Variants in DENND2A observed in about 807,000 individuals in gnomAD.
The protein encoded by DENND2A is DENN domain containing 2A, also known as DENN domain-containing protein 2A.
In DENND2A, 53 loss-of-function variants were observed where a neutral mutation model predicts 105.3. That is an observed-to-expected ratio of 0.50 (90% CI 0.40 to 0.63). The LOEUF (loss-of-function observed/expected upper bound fraction) is 0.63. Ranked by LOEUF, DENND2A falls within the 30% of genes least tolerant of loss-of-function variation. The probability of loss-of-function intolerance (pLI) is 0.00; values close to 1 mark genes in which losing one functional copy is unlikely to be tolerated. For missense variants in DENND2A, 1,138 were observed against 1,279.6 expected (o/e 0.89, Z 1.69); for synonymous variants, 522 against 508.4 (o/e 1.03, Z -0.36).
chr7:140,520,031 TG>T (rs1462684125), intron 18 of DENND2A, among the ~76,000 whole-genome samples: 1 of 152,142 alleles, frequency 6.6e-6, no homozygotes, highest in Non-Finnish European at 1.5e-5. Flanking sequence ...TGGCCAGTCA[TG>T]GTGGTTCACG....
chr7:140,575,401 C>T (rs977230957), intron 5 of DENND2A, among the ~76,000 whole-genome samples: 16 of 152,150 alleles, frequency 1.1e-4, no homozygotes, highest in Admixed American at 9.8e-4. Flanking sequence ...CACAGCTCTA[C>T]GGAGGGCAGT....
intron 16 of DENND2A, among the ~76,000 whole-genome samples, chr7:140,525,501 A>C (rs995465979): frequency 5.3e-5 from 8 of 152,160 alleles, no homozygotes; most frequent in African/African-American, 1.9e-4. Flanking sequence ...TAAGATTACA[A>C]AGAATCTTTT....
At chr7:140,530,747 T>C (rs1203443798) in intron 14 of DENND2A, among the ~76,000 whole-genome samples, 2 of 152,020 alleles carry the variant, frequency 1.3e-5, no homozygotes, top group East Asian at 3.8e-4. Context: ...CTTTTTTTTT[T>C]TGAGACAGAA....
intron 1 of DENND2A, among the ~76,000 whole-genome samples, chr7:140,618,908 C>G (rs778453297): frequency 6.6e-6 from 1 of 152,124 alleles, no homozygotes; most frequent in Admixed American, 6.6e-5. Context: ...ACGCCATTCT[C>G]CTGCCTCAGC....
intron 5 of DENND2A, among the ~76,000 whole-genome samples, chr7:140,584,102 C>T (rs1798673506): frequency 6.7e-6 from 1 of 149,038 alleles, no homozygotes. Context: ...ATTAGCCAGG[C>T]GTGGAGGCGC....
chr7:140,605,943 C>T (rs550899277), intron 1 of DENND2A, 137 bp from the exon 2 acceptor site: 1 of 152,338 alleles, frequency 6.6e-6, no homozygotes, highest in African/African-American at 2.4e-5. Context: ...AAAGAACACA[C>T]AATTCAGAAT....
chr7:140,572,558 C>T (rs578135608), intron 6 of DENND2A, among the ~76,000 whole-genome samples: 3 of 151,410 alleles, frequency 2.0e-5, no homozygotes, highest in African/African-American at 7.2e-5. Context: ...GTCAGCAGTT[C>T]GAGACCAGCC....
intron 2 of DENND2A, among the ~76,000 whole-genome samples, 181 bp downstream of exon 2, chr7:140,605,524 G>A (rs1299671089): frequency 8.3e-6 from 1 of 121,062 alleles, no homozygotes; most frequent in East Asian, 1.9e-4. Context: ...AGACTCTCTC[G>A]ATCAGTTTGG....
intron 14 of DENND2A, among the ~76,000 whole-genome samples, chr7:140,529,368 A>C (rs570222728): frequency 7.9e-5 from 12 of 152,346 alleles, no homozygotes; most frequent in Admixed American, 5.2e-4. Context: ...TAGTTCAACC[A>C]TTGTGGAAGA....
intron 1 of DENND2A, among the ~76,000 whole-genome samples, chr7:140,635,020 T>C (rs1800868961): frequency 1.3e-5 from 2 of 151,992 alleles, no homozygotes; most frequent in Admixed American, 1.3e-4. Flanking sequence ...CCCAGCACTT[T>C]GCAAGGCCGA....
At chr7:140,590,895 A>T (rs111681678) in intron 3 of DENND2A, among the ~76,000 whole-genome samples, 196 of 151,948 alleles carry the variant, frequency 1.3e-3, no homozygotes, top group African/African-American at 4.0e-3. Context: ...ATAATAATAA[A>T]AAAAAGGTCA....
At chr7:140,629,061 T>C (rs978102775) in intron 1 of DENND2A, among the ~76,000 whole-genome samples, 11 of 152,152 alleles carry the variant, frequency 7.2e-5, no homozygotes, top group African/African-American at 2.7e-4. Context: ...ACAAGGTTGG[T>C]TCAGGGAATG....
At chr7:140,628,673 G>A (rs760086377) in intron 1 of DENND2A, among the ~76,000 whole-genome samples, 18 of 150,858 alleles carry the variant, frequency 1.2e-4, no homozygotes, top group Non-Finnish European at 2.2e-4. Context: ...CCTAGTAGCT[G>A]GAACTACAGG....
rs1795952678 is a variant in DENND2A at position 140,523,939 on chromosome 7, C to T, written c.2548-515G>A. On this transcript the variant is annotated intron_variant, in intron 16 of 19. Transcript: ENST00000496613. The surrounding 1 kb of genome is among the most constrained non-coding windows in gnomAD (Gnocchi z 4.5). ...CTTGTAAAATGGACTACCAATCAAT[C>T]TGTACCTTGTTGTGAAGCTACAATG... 6.6e-6 allele frequency among the ~76,000 whole-genome samples: 1 copy of T among 152,186 alleles called. No homozygotes were observed. The highest frequency in any genetic ancestry group is 1.5e-5 in the Non-Finnish European group (1 of 68,044).
At chr7:140,595,749 C>T (rs868869016) in intron 3 of DENND2A, among the ~76,000 whole-genome samples, 1 of 151,176 alleles carries the variant, frequency 6.6e-6, no homozygotes, top group Non-Finnish European at 1.5e-5. Context: ...GCCTGGGAGA[C>T]AGAGCAAGAC....
At chr7:140,603,882 C>A (rs1799605196) in intron 2 of DENND2A, among the ~76,000 whole-genome samples, 1 of 152,200 alleles carries the variant, frequency 6.6e-6, no homozygotes, top group Non-Finnish European at 1.5e-5. Context: ...ATTTCCATCA[C>A]TGAATAAAGT....
intron 6 of DENND2A, 76 bp downstream of exon 6, chr7:140,573,732 C>T (rs751568160): frequency 6.7e-7 from 1 of 1,501,140 alleles, no homozygotes; most frequent in Non-Finnish European, 9.1e-7. Context: ...TATTCTCCAC[C>T]CAGACCCCTC....
chr7:140,521,753 C>T (rs1288042423), intron 18 of DENND2A, 102 bp downstream of exon 18: 116 of 1,537,984 alleles, frequency 7.5e-5, no homozygotes, highest in Non-Finnish European at 1.0e-4. Flanking sequence ...GGACACAGTC[C>T]TGTCTGTGCC....
Position 140,523,216 on chromosome 7 carries a change from T to A in DENND2A, c.2665+91A>T. ...TCTCTCCTTATGTCTCCCTTGCCCATATTCCTACTTGGCCCTTGGCCACTG... is the reference window on the plus strand; with the variant it reads ...TCTCTCCTTATGTCTCCCTTGCCCAAATTCCTACTTGGCCCTTGGCCACTG... On this transcript the variant is annotated intron_variant, in intron 17 of 19. Coordinates refer to ENST00000496613, the MANE Select transcript of DENND2A (RefSeq NM_015689.5). The surrounding 1 kb of genome is among the most constrained non-coding windows in gnomAD (Gnocchi z 4.5). 3 of 1,170,228 alleles carry A rather than the reference T, an allele frequency of 2.6e-6. No individual in the cohort carries two copies. Among genetic ancestry groups the A allele is most frequent in the Non-Finnish European group, 2.6e-6 (2 of 780,866 alleles). The allele number at this position is 1,170,228 out of a possible 1,614,324, so 72.5% of individuals were successfully genotyped here.
Sources: gnomAD v4.1 joint callset for allele counts (sites outside exome capture counted in the v4.1 genomes callset) on GRCh38, gnomAD v4.1.1 for gene constraint, Gnocchi (gnomAD v3.1) non-coding constraint, MANE v1.5 for transcripts, NCBI Gene and HGNC (gene_info 2026-07-23, HGNC 2026-07-21) for gene names.